The following POR variants were observed in gnomAD, a reference collection of about 807,000 sequenced individuals.
POR encodes NADPH--cytochrome P450 reductase.
Under a neutral mutation model 84.0 loss-of-function variants are expected in POR, and 56 were observed. That is an observed-to-expected ratio of 0.67 (90% CI 0.54 to 0.83). POR has a LOEUF of 0.83. POR is among the 40% of genes least tolerant of loss of function. The pLI is 0.00. For missense variants in POR, 938 were observed against 944.3 expected (o/e 0.99, Z 0.09); for synonymous variants, 414 against 400.5 (o/e 1.03, Z -0.40).
chr7:75,984,214 C>T (rs1173621215), intron 10 of POR, among the ~76,000 whole-genome samples: 3 of 152,194 alleles, frequency 2.0e-5, no homozygotes, highest in Admixed American at 6.5e-5. Flanking sequence ...CCCCCACCTC[C>T]TCACTGAAGT....
At position 75,986,835 on chromosome 7, in the gene POR, A is replaced by G; in HGVS notation, c.*354A>G. 5.2e-6 allele frequency: 3 copies of G among 571,624 alleles called. No individual in the cohort carries two copies. Among genetic ancestry groups the G allele is most frequent in the Non-Finnish European group, 9.2e-6 (3 of 325,024 alleles). The allele number at this position is 571,624 out of a possible 1,614,324, so 35.4% of individuals were successfully genotyped here. A position where few individuals can be genotyped will look rare whatever the true frequency, so the allele number is the denominator to read the frequency against. ...ATTTTAAATAACCTCTGGCCCTTGG[A>G]ATAAAGTTCTGTTTTCTGTATTTGC... On this transcript the variant is annotated 3_prime_UTR_variant, in exon 16 of 16. Coordinates refer to ENST00000461988, the MANE Select transcript of POR (RefSeq NM_000941.3).
chr7:75,937,048 C>T (rs372320052), intron 1 of POR, among the ~76,000 whole-genome samples: 2 of 151,254 alleles, frequency 1.3e-5, no homozygotes, highest in South Asian at 2.1e-4. Flanking sequence ...AGGATGGTCT[C>T]GATATCCTGA....
intron 2 of POR, 121 bp downstream of exon 2, chr7:75,954,301 C>A: frequency 9.2e-7 from 1 of 1,081,132 alleles, no homozygotes; most frequent in South Asian, 1.6e-5. Context: ...TGGGGTGACT[C>A]TTGGGTTTTG....
chr7:75,916,150 G>A (rs903549855), intron 1 of POR, among the ~76,000 whole-genome samples: 12 of 152,260 alleles, frequency 7.9e-5, no homozygotes, highest in Admixed American at 4.6e-4. Flanking sequence ...TTTCTGATCA[G>A]TGGGTCTGGT....
intron 2 of POR, among the ~76,000 whole-genome samples, chr7:75,965,050 A>G (rs1302360005): frequency 6.6e-6 from 1 of 151,972 alleles, no homozygotes; most frequent in East Asian, 1.9e-4. Context: ...AAAAAATGAC[A>G]TATGTGGATG....
At chr7:75,928,747 T>C (rs1395862641) in intron 1 of POR, among the ~76,000 whole-genome samples, 2 of 152,136 alleles carry the variant, frequency 1.3e-5, no homozygotes, top group African/African-American at 2.4e-5. Flanking sequence ...TGGAGGACTT[T>C]CCCTCTAGCC....
chr7:75,981,202 C>T (rs968247980), intron 6 of POR, 30 bp downstream of exon 6: 17 of 1,510,154 alleles, frequency 1.1e-5, no homozygotes, highest in African/African-American at 4.2e-5. Flanking sequence ...CCATGATCAG[C>T]GCGGCGGGCT....
At chr7:75,969,114 C>T (rs1253179002) in intron 2 of POR, among the ~76,000 whole-genome samples, 2 of 152,242 alleles carry the variant, frequency 1.3e-5, no homozygotes, top group African/African-American at 2.4e-5. Flanking sequence ...GTCCCTGTGG[C>T]GTGAACTGTG....
At chr7:75,972,948 G>A (rs551427574) in intron 3 of POR, among the ~76,000 whole-genome samples, 2 of 151,662 alleles carry the variant, frequency 1.3e-5, no homozygotes, top group South Asian at 2.1e-4. Flanking sequence ...TCAGCCTCCC[G>A]AGTAGCTGGG....
At position 75,984,896 on chromosome 7, in the gene POR, G is replaced by GCCTCGGAGC; in HGVS notation, c.1196_1204dup (p.Pro399_Glu401dup). Reference sequence around the variant, plus strand: ...CGTGCTGTACGAGCTGGCGCAGTACGCCTCGGAGCCCTCGGAGCAGGAGCT... The same window carrying GCCTCGGAGC: ...CGTGCTGTACGAGCTGGCGCAGTACGCCTCGGAGCCCTCGGAGCCCTCGGAGCAGGAGCT... On this transcript the variant is annotated inframe_insertion, in exon 11 of 16. Coordinates refer to ENST00000461988, the MANE Select transcript of POR (RefSeq NM_000941.3). 3 of 1,611,838 alleles carry GCCTCGGAGC rather than the reference G, an allele frequency of 1.9e-6. No individual in the cohort carries two copies. Among genetic ancestry groups the GCCTCGGAGC allele is most frequent in the Non-Finnish European group, 1.7e-6 (2 of 1,179,308 alleles).
intron 3 of POR, among the ~76,000 whole-genome samples, chr7:75,978,833 G>C (rs1372956567): frequency 2.6e-5 from 4 of 152,086 alleles, no homozygotes; most frequent in African/African-American, 9.7e-5. Context: ...GTCTTGCTCT[G>C]TCACCCAGGC....
At chr7:75,978,100 C>T (rs1324294092) in intron 3 of POR, among the ~76,000 whole-genome samples, 2 of 152,238 alleles carry the variant, frequency 1.3e-5, no homozygotes, top group Admixed American at 1.3e-4. Context: ...CAGCAAAACA[C>T]ATCCAGAATG....
At chr7:75,935,573 G>T (rs1807628352) in intron 1 of POR, among the ~76,000 whole-genome samples, 1 of 151,208 alleles carries the variant, frequency 6.6e-6, no homozygotes, top group African/African-American at 2.4e-5. Context: ...AATTGAGAGG[G>T]TTGGTACTTC....
intron 1 of POR, among the ~76,000 whole-genome samples, chr7:75,952,958 G>A (rs1331180777): frequency 5.9e-5 from 9 of 152,180 alleles, no homozygotes; most frequent in African/African-American, 1.2e-4. Context: ...CTCTTTGGGA[G>A]GCCAAGGCAG....
At position 75,943,256 on chromosome 7, in the gene POR, T is replaced by TTTTTTTA. The variant is rs572182281; in HGVS notation, c.-4-10720_-4-10714dup. On this transcript the variant is annotated intron_variant, in intron 1 of 15. Transcript: ENST00000461988. ...ATGAGCCACCGTGCCCGGCCCTCTC[T>TTTTTTTA]TTTTTTATTTTTTATTTTTATTTTT... is the stretch of plus-strand genomic sequence containing the variant. Among the ~76,000 whole-genome samples, 431 of 152,258 alleles carry TTTTTTTA rather than the reference T, an allele frequency of 2.8e-3. 2 individuals carry two copies. The highest frequency in any genetic ancestry group is 9.8e-3 in the African/African-American group (408 of 41,548).
At chr7:75,950,425 G>A (rs1484817533) in intron 1 of POR, among the ~76,000 whole-genome samples, 2 of 152,196 alleles carry the variant, frequency 1.3e-5, no homozygotes, top group African/African-American at 2.4e-5. Context: ...GAAGGGAGGA[G>A]GGTGAGGGAC....
At position 75,986,395 on chromosome 7, in the gene POR, C is replaced by G; in HGVS notation, c.1957C>G (p.Leu653Val). 6.2e-7 allele frequency: 1 copy of G among 1,612,594 alleles called. No homozygotes were observed. Among genetic ancestry groups the G allele is most frequent in the Non-Finnish European group, 8.5e-7 (1 of 1,179,858 alleles). Residue 653 changes from leucine to valine, a missense_variant, in exon 16 of 16, where the codon CTC becomes GTC. By Grantham distance (32) the Leu-to-Val change is conservative. Coordinates refer to ENST00000461988, the MANE Select transcript of POR (RefSeq NM_000941.3). ...CACCTTCTACGACATCGTGGCTGAG[C>G]TCGGGGCCATGGAGCACGCGCAGGC...
chr7:75,981,478 C>T, intron 6 of POR, 39 bp from the exon 7 acceptor site: 1 of 1,573,186 alleles, frequency 6.4e-7, no homozygotes, highest in Non-Finnish European at 8.7e-7. Context: ...CCACATGGGC[C>T]TCCCCTGAGC....
chr7:75,948,718 A>C (rs1186348138), intron 1 of POR, among the ~76,000 whole-genome samples: 4 of 152,244 alleles, frequency 2.6e-5, no homozygotes, highest in Non-Finnish European at 5.9e-5. Context: ...TTTATTCAAC[A>C]AATCGACATA....
Sources: allele counts gnomAD v4.1 joint callset (sites outside exome capture counted in the v4.1 genomes callset), GRCh38; gene constraint gnomAD v4.1.1; transcripts MANE v1.5; gene names NCBI Gene and HGNC (gene_info 2026-07-23, HGNC 2026-07-21).